Variants in DLEU7 observed in about 807,000 individuals in gnomAD.
DLEU7 encodes the protein leukemia-associated protein 7.
Under a neutral mutation model 16.0 loss-of-function variants are expected in DLEU7, and 17 were observed. That is an observed-to-expected ratio of 1.06 (90% CI 0.73 to 1.59). The LOEUF (loss-of-function observed/expected upper bound fraction) is 1.59, where lower values mean the gene tolerates loss of function less well. Among genes scored for constraint, DLEU7 ranks in the 40% most tolerant of loss-of-function variants. DLEU7 has a pLI of 0.00. For missense variants in DLEU7, 308 were observed against 314.9 expected, an observed-to-expected ratio of 0.98 and a Z score of 0.17; for synonymous variants, 113 against 139.8, an observed-to-expected ratio of 0.81 and a Z score of 1.35.
At chr13:50,720,575 T>C (rs1260943401) in intron 1 of DLEU7, among the ~76,000 whole-genome samples, 12 of 152,244 alleles carry the variant, frequency 7.9e-5, no homozygotes, top group Non-Finnish European at 1.8e-4. Flanking sequence ...TCTCATGTTA[T>C]TGTTTTATTA....
chr13:50,764,007 AG>A lies in DLEU7; in HGVS notation c.460-50768del, dbSNP rs1875025235. On this transcript the variant is annotated intron_variant, in intron 1 of 1. Coordinates refer to the DLEU7 transcript ENST00000400393. ...AATATTAAAGAAGAGACAGGCGGAA[AG>A]GCTGTGTTTATAGTCCCGCACTGCA... 2.6e-5 allele frequency among the ~76,000 whole-genome samples: 4 copies of A among 152,238 alleles called. No homozygotes were observed. The South Asian group carries it at 8.3e-4, about 31-fold the overall frequency.
chr13:50,828,835 C>T (rs1051577073), intron 1 of DLEU7, among the ~76,000 whole-genome samples: 3 of 152,184 alleles, frequency 2.0e-5, no homozygotes, highest in East Asian at 1.9e-4. Flanking sequence ...GGACCACCTG[C>T]GAGCTAGGTG....
intron 1 of DLEU7, among the ~76,000 whole-genome samples, chr13:50,749,073 T>C (rs756481949): frequency 3.6e-5 from 5 of 140,764 alleles, no homozygotes; most frequent in African/African-American, 7.6e-5. Flanking sequence ...CCAAAATCCA[T>C]TGTACCATTC....
chr13:50,715,615 G>A (rs1358399752), intron 1 of DLEU7: 1 of 152,426 alleles, frequency 6.6e-6, no homozygotes, highest in African/African-American at 2.4e-5. Flanking sequence ...GAACCAACAG[G>A]AGACACAAGG....
intron 1 of DLEU7, among the ~76,000 whole-genome samples, chr13:50,762,490 C>T (rs532965794): frequency 1.3e-5 from 2 of 152,250 alleles, no homozygotes; most frequent in African/African-American, 4.8e-5. Flanking sequence ...GCTGCTGCCT[C>T]ACTATTATGG....
intron 1 of DLEU7, 82 bp from the exon 2 acceptor site, chr13:50,823,602 T>C: frequency 1.4e-6 from 2 of 1,460,926 alleles, no homozygotes; most frequent in Non-Finnish European, 1.8e-6. Context: ...CAGCTTCCAT[T>C]CTTTTCTCTT....
rs1303556631 is a variant in DLEU7, at chr13:50,843,614, G to A, written c.33C>T (p.Ile11=). Residue 11 remains isoleucine (I), a synonymous_variant, in exon 1 of 2, where the codon ATC becomes ATT. Transcript: ENST00000504404. The surrounding 1 kb of genome is among the most constrained non-coding windows in gnomAD (Gnocchi z 5.7). MASPAPLVAS[I]SHQMVALQTL... is the part of the protein sequence containing the mutation. Reference sequence around the variant, plus strand: ...TCTGCAGAGCCACCATTTGGTGGCTGATGGAGGCCACTAAGGGCGCAGGGC... The same window carrying A: ...TCTGCAGAGCCACCATTTGGTGGCTAATGGAGGCCACTAAGGGCGCAGGGC... 1 of 1,511,618 alleles carries A rather than the reference G, an allele frequency of 6.6e-7. No individual in the cohort carries two copies. Among genetic ancestry groups the A allele is most frequent in the Middle Eastern group, 2.3e-4 (1 of 4,408 alleles). The allele number at this position is 1,511,618 out of a possible 1,614,324, so 93.6% of individuals were successfully genotyped here. A position where few individuals can be genotyped will look rare whatever the true frequency, so the allele number is the denominator to read the frequency against.
chr13:50,734,689 G>A (rs1224930428), intron 1 of DLEU7, among the ~76,000 whole-genome samples: 3 of 152,098 alleles, frequency 2.0e-5, no homozygotes, highest in African/African-American at 7.2e-5. Context: ...CGAAGTAAAG[G>A]AAGAACAACA....
chr13:50,792,633 A>C (rs914675903), intron 1 of DLEU7, among the ~76,000 whole-genome samples: 1 of 149,946 alleles, frequency 6.7e-6, no homozygotes, highest in Non-Finnish European at 1.5e-5. Context: ...TAATCAATCA[A>C]ATTTAACTCA....
At chr13:50,746,308 G>A (rs1026248714) in intron 1 of DLEU7, among the ~76,000 whole-genome samples, 2 of 152,096 alleles carry the variant, frequency 1.3e-5, no homozygotes, top group African/African-American at 2.4e-5. Flanking sequence ...ACAATGAAAG[G>A]AAAATAGCTC....
chr13:50,781,598 G>T (rs1162247834), intron 1 of DLEU7, among the ~76,000 whole-genome samples: 1 of 152,074 alleles, frequency 6.6e-6, no homozygotes, highest in Non-Finnish European at 1.5e-5. Flanking sequence ...ACACACATTT[G>T]ATGGTGACAC....
At chr13:50,811,208 T>G (rs1465343606) in intron 1 of DLEU7, among the ~76,000 whole-genome samples, 1 of 152,150 alleles carries the variant, frequency 6.6e-6, no homozygotes, top group Admixed American at 6.5e-5. Context: ...TGGTCCTTTT[T>G]AGAAAACATC....
intron 1 of DLEU7, among the ~76,000 whole-genome samples, chr13:50,835,462 T>G (rs756263671): frequency 3.3e-5 from 5 of 152,250 alleles, no homozygotes; most frequent in African/African-American, 9.6e-5. Context: ...ACTATTTTTC[T>G]TAAGGTTGAC....
rs529692958 is a variant in DLEU7, at chr13:50,748,071, A to G, written c.460-34831T>C. 2.0e-5 allele frequency among the ~76,000 whole-genome samples: 3 copies of G among 152,356 alleles called. No homozygotes were observed. The East Asian group carries it at 5.8e-4, about 29-fold the overall frequency. On this transcript the variant is annotated intron_variant, in intron 1 of 1. Coordinates refer to the DLEU7 transcript ENST00000400393. ...TCAAGCGCACAAACATTTGTGTTTCATTAAACAGAAATTAATAAGACTCCA... is the reference window on the plus strand; with the variant it reads ...TCAAGCGCACAAACATTTGTGTTTCGTTAAACAGAAATTAATAAGACTCCA...
At position 50,781,758 on chromosome 13, in the gene DLEU7, T is replaced by C. The variant is rs533049008; in HGVS notation, c.459+61430A>G. Reference sequence around the variant, plus strand: ...TCAGAACACTAGGAAGTTGTGATAATTTTGACAAGATTTTGCCTTAGATGA... The same window carrying C: ...TCAGAACACTAGGAAGTTGTGATAACTTTGACAAGATTTTGCCTTAGATGA... On this transcript the variant is annotated intron_variant, in intron 1 of 1. Coordinates refer to the DLEU7 transcript ENST00000400393. Among the ~76,000 whole-genome samples, 10 of 152,316 alleles carry C rather than the reference T, an allele frequency of 6.6e-5. No individual in the cohort carries two copies. In the East Asian group the frequency reaches 1.9e-3, roughly 29 times the overall value.
At chr13:50,828,624 G>A (rs1441398155) in intron 1 of DLEU7, among the ~76,000 whole-genome samples, 2 of 152,034 alleles carry the variant, frequency 1.3e-5, no homozygotes, top group Admixed American at 1.3e-4. Flanking sequence ...ATGGAAGGAA[G>A]AACTAAAAGT....
chr13:50,839,729 A>G (rs551987559), intron 1 of DLEU7, among the ~76,000 whole-genome samples: 2 of 152,346 alleles, frequency 1.3e-5, no homozygotes, highest in African/African-American at 4.8e-5. Flanking sequence ...TAATATCAAG[A>G]ATAGAATTCA....
chr13:50,755,378 T>C (rs950746577), intron 1 of DLEU7, among the ~76,000 whole-genome samples: 2 of 152,176 alleles, frequency 1.3e-5, no homozygotes, highest in Non-Finnish European at 2.9e-5. Flanking sequence ...GGAGGCTTTG[T>C]TCATATTTTC....
chr13:50,813,226 T>C (rs2137792541), intron 1 of DLEU7: 1 of 152,284 alleles, frequency 6.6e-6, no homozygotes, highest in Non-Finnish European at 1.5e-5. Context: ...TGCTGTAAGC[T>C]TCAGGAAGGA....
Sources: gnomAD v4.1 joint callset for allele counts (sites outside exome capture counted in the v4.1 genomes callset) on GRCh38, gnomAD v4.1.1 for gene constraint, Gnocchi (gnomAD v3.1) non-coding constraint, MANE v1.5 for transcripts, NCBI Gene and HGNC (gene_info 2026-07-23, HGNC 2026-07-21) for gene names.